The following RFX3 variants were observed in gnomAD, a reference collection of about 807,000 sequenced individuals.
RFX3 encodes transcription factor RFX3.
Under a neutral mutation model 98.6 loss-of-function variants are expected in RFX3, and 14 were observed. The ratio of observed to expected loss-of-function variants is 0.14; its 90% CI spans 0.09 to 0.22. RFX3 has a LOEUF of 0.22. Ranked by LOEUF, RFX3 falls within the 10% of genes least tolerant of loss-of-function variation. The pLI is 1.00. For synonymous variants in RFX3, 383 were observed against 328.4 expected, an observed-to-expected ratio of 1.17 and a Z score of -1.80; for missense variants, 639 against 926.9, an observed-to-expected ratio of 0.69 and a Z score of 4.03.
At chr9:3,231,306 C>T (rs967122776) in intron 15 of RFX3, among the ~76,000 whole-genome samples, 38 of 152,058 alleles carry the variant, frequency 2.5e-4, no homozygotes, top group African/African-American at 7.7e-4. Flanking sequence ...CTTTTATATG[C>T]ATTTTACATG....
In RFX3 at chr9:3,525,808, G is replaced by GGAGGAGGAA. The variant is rs1819227273; in HGVS notation, c.-79_-71dup. 1.3e-6 allele frequency: 1 copy of GGAGGAGGAA among 747,044 alleles called. No homozygotes were observed. The highest frequency in any genetic ancestry group is 1.9e-5 in the African/African-American group (1 of 52,394). The allele number at this position is 747,044 out of a possible 1,614,324, so 46.3% of individuals were successfully genotyped here. On this transcript the variant is annotated 5_prime_UTR_variant, in exon 1 of 17. Transcript: ENST00000617270. The stretch of plus-strand genomic sequence containing the variant: ...ATGGAGATGGTGGTGGTGGGGAGGA[G>GGAGGAGGAA]GAGGAGGAAGAGGAGGAGGAGGAGG...
At chr9:3,367,602 G>A (rs762202818) in intron 2 of RFX3, among the ~76,000 whole-genome samples, 1 of 152,074 alleles carries the variant, frequency 6.6e-6, no homozygotes, top group Non-Finnish European at 1.5e-5. Context: ...AGAGTCCAAA[G>A]GAATTGTTAC....
chr9:3,277,128 AG>A (rs1348245444), intron 8 of RFX3, among the ~76,000 whole-genome samples: 1 of 152,076 alleles, frequency 6.6e-6, no homozygotes, highest in African/African-American at 2.4e-5. Context: ...TACGCATAAA[AG>A]TCCTATATAG....
At chr9:3,286,507 T>C (rs16916457) in intron 7 of RFX3, among the ~76,000 whole-genome samples, 4,839 of 151,852 alleles carry the variant, frequency 0.032, 199 homozygotes, top group African/African-American at 0.095. Flanking sequence ...CTGGTGCACT[T>C]ACACTGGAAA....
At position 3,225,020 on chromosome 9, in the gene RFX3, G is replaced by C. The variant is rs1471477811; in HGVS notation, c.*22C>G. On this transcript the variant is annotated 3_prime_UTR_variant, in exon 17 of 17. Coordinates refer to ENST00000617270, the MANE Select transcript of RFX3 (RefSeq NM_001282116.2). ...ATATCAACAGGGTTAATGTAAGCTGGAAAAATACGCTTTAATATTCTTTAG... is the reference window on the plus strand; with the variant it reads ...ATATCAACAGGGTTAATGTAAGCTGCAAAAATACGCTTTAATATTCTTTAG... 9.3e-6 allele frequency: 15 copies of C among 1,609,066 alleles called. No individual in the cohort carries two copies. The Admixed American group carries it at 2.3e-4, about 25-fold the overall frequency.
chr9:3,458,721 T>C (rs1847413872), intron 1 of RFX3, among the ~76,000 whole-genome samples: 3 of 152,204 alleles, frequency 2.0e-5, no homozygotes, highest in Admixed American at 2.0e-4. Context: ...CTGGAGTCAA[T>C]GAACATGTGT....
chr9:3,277,067 GAAT>G (rs1460277888), intron 8 of RFX3, among the ~76,000 whole-genome samples: 3 of 151,880 alleles, frequency 2.0e-5, no homozygotes, highest in Non-Finnish European at 4.4e-5. Flanking sequence ...CACAAAAGCC[GAAT>G]AATACAAATT....
intron 15 of RFX3, among the ~76,000 whole-genome samples, chr9:3,231,894 T>C (rs1019076722): frequency 6.6e-6 from 1 of 151,880 alleles, no homozygotes; most frequent in South Asian, 2.1e-4. Flanking sequence ...TGAAACCCCA[T>C]CTCCACTAAA....
intron 1 of RFX3, among the ~76,000 whole-genome samples, chr9:3,442,531 G>C (rs1427586078): frequency 6.6e-6 from 1 of 152,118 alleles, no homozygotes; most frequent in Non-Finnish European, 1.5e-5. Flanking sequence ...TCCTGGAACA[G>C]AAACAGATAT....
intron 1 of RFX3, among the ~76,000 whole-genome samples, chr9:3,448,504 ATTTC>A (rs1846255011): frequency 6.6e-6 from 1 of 151,830 alleles, no homozygotes; most frequent in African/African-American, 2.4e-5. Context: ...CAACCCACAT[ATTTC>A]TTTTTCTTCT....
chr9:3,367,041 T>G (rs1370204328), intron 2 of RFX3, among the ~76,000 whole-genome samples: 1 of 152,028 alleles, frequency 6.6e-6, no homozygotes, highest in African/African-American at 2.4e-5. Context: ...TAAGGAGAAT[T>G]CTAAAAATGC....
rs1586744190 is a variant in RFX3 at position 3,251,889 on chromosome 9, C to A, written c.1815-3704G>T. 2.0e-5 allele frequency among the ~76,000 whole-genome samples: 3 copies of A among 151,836 alleles called. No homozygotes were observed. In the East Asian group the frequency reaches 5.8e-4, roughly 29 times the overall value. On this transcript the variant is annotated intron_variant, in intron 14 of 16. Coordinates refer to ENST00000617270, the MANE Select transcript of RFX3 (RefSeq NM_001282116.2). The stretch of plus-strand genomic sequence containing the variant: ...TTGAGATGGAGTCTCGCTCTTGTTG[C>A]CCAGGCTGGAGTGCAATGGCATAAT...
At chr9:3,266,887 C>T (rs1405565551) in intron 11 of RFX3, among the ~76,000 whole-genome samples, 1 of 151,922 alleles carries the variant, frequency 6.6e-6, no homozygotes, top group African/African-American at 2.4e-5. Flanking sequence ...TTTCATTTGG[C>T]AGGTAGAGGT....
chr9:3,462,878 C>A (rs554284518), intron 1 of RFX3, among the ~76,000 whole-genome samples: 44 of 152,010 alleles, frequency 2.9e-4, no homozygotes, highest in Middle Eastern at 6.8e-3. Flanking sequence ...CAAGAATTAT[C>A]CACTAAAAAC....
intron 1 of RFX3, among the ~76,000 whole-genome samples, chr9:3,396,166 T>C (rs1840846861): frequency 6.6e-6 from 1 of 152,026 alleles, no homozygotes; most frequent in Non-Finnish European, 1.5e-5. Context: ...ATTAGGTATA[T>C]CTCCTAATGC....
intron 1 of RFX3, among the ~76,000 whole-genome samples, chr9:3,429,536 T>C (rs1039812688): frequency 2.0e-5 from 3 of 152,058 alleles, no homozygotes; most frequent in Non-Finnish European, 2.9e-5. Context: ...TGTCTGATTG[T>C]AGGATGTGAA....
chr9:3,242,244 T>C (rs1336076249), intron 15 of RFX3, among the ~76,000 whole-genome samples: 1 of 152,192 alleles, frequency 6.6e-6, no homozygotes, highest in Non-Finnish European at 1.5e-5. Context: ...CAGTATCAAA[T>C]AAGAATGTAA....
chr9:3,231,757 C>A (rs1055635341), intron 15 of RFX3, among the ~76,000 whole-genome samples: 1 of 151,858 alleles, frequency 6.6e-6, no homozygotes, highest in Non-Finnish European at 1.5e-5. Flanking sequence ...AAGATTAGGC[C>A]AGCACAAATC....
chr9:3,471,080 A>T (rs2133218852), intron 1 of RFX3, among the ~76,000 whole-genome samples: 1 of 152,320 alleles, frequency 6.6e-6, no homozygotes, highest in African/African-American at 2.4e-5. Flanking sequence ...AGATGAGAGT[A>T]CTGAAATTCA....
Sources: gnomAD v4.1 joint callset for allele counts (sites outside exome capture counted in the v4.1 genomes callset) on GRCh38, gnomAD v4.1.1 for gene constraint, MANE v1.5 for transcripts, NCBI Gene and HGNC (gene_info 2026-07-23, HGNC 2026-07-21) for gene names.